Variants in HS1BP3 observed in about 807,000 individuals in gnomAD.
The protein encoded by HS1BP3 is HCLS1 binding protein 3.
HS1BP3 carries 32 observed loss-of-function variants against 33.5 expected under a neutral mutation model. The ratio of observed to expected loss-of-function variants is 0.95; its 90% CI spans 0.72 to 1.28. The LOEUF is 1.28. Ranked by LOEUF, HS1BP3 falls within the 50% of genes most tolerant of loss-of-function variation. The pLI is 0.00. For synonymous variants in HS1BP3, 187 were observed against 209.2 expected, an observed-to-expected ratio of 0.89 and a Z score of 0.92; for missense variants, 486 against 502.3, an observed-to-expected ratio of 0.97 and a Z score of 0.31.
chr2:20,588,594 T>A (rs1693737986), downstream of HS1BP3, among the ~76,000 whole-genome samples: 3 of 152,192 alleles, frequency 2.0e-5, no homozygotes, highest in African/African-American at 7.2e-5. Context: ...CCGATTTTTC[T>A]GGGGTTACAC....
chr2:20,554,270 G>A, the HS1BP3 span, among the ~76,000 whole-genome samples: 1 of 152,210 alleles, frequency 6.6e-6, no homozygotes, highest in Admixed American at 6.5e-5. Context: ...AGAAACACAA[G>A]AGATCCATGG....
At chr2:20,560,044 A>T (rs1391266431), downstream of HS1BP3, among the ~76,000 whole-genome samples, 1 of 152,166 alleles carries the variant, frequency 6.6e-6, no homozygotes, top group African/African-American at 2.4e-5. Flanking sequence ...GGAAGCCACC[A>T]TACCTGCTCT....
intron 3 of HS1BP3, 68 bp downstream of exon 3, chr2:20,640,905 G>C (rs747580515): frequency 1.3e-6 from 2 of 1,485,514 alleles, no homozygotes; most frequent in East Asian, 4.5e-5. Flanking sequence ...GCTCCCACTG[G>C]GGCACGGCAG....
At chr2:20,587,433 G>T (rs1049595052) in intron 5 of HS1BP3, among the ~76,000 whole-genome samples, 1 of 152,198 alleles carries the variant, frequency 6.6e-6, no homozygotes, top group African/African-American at 2.4e-5. Context: ...CCTGAGGATG[G>T]TAGGGATGCC....
chr2:20,557,735 G>C (rs760461848), downstream of HS1BP3, among the ~76,000 whole-genome samples: 1 of 152,204 alleles, frequency 6.6e-6, no homozygotes, highest in Admixed American at 6.5e-5. Context: ...TATTTGTGAT[G>C]GATGCAGAGC....
At position 20,566,167 on chromosome 2, in the gene HS1BP3, T is replaced by C. The variant is rs191639642; in HGVS notation, c.303-5652A>G. Among the ~76,000 whole-genome samples, 8 of 152,350 alleles carry C rather than the reference T, an allele frequency of 5.3e-5. No individual in the cohort carries two copies. In the East Asian group the frequency reaches 1.5e-3, roughly 29 times the overall value. ...CCCCATCCCGGCACTGACAGGGAGT[T>C]CACTCCTTGGGGAGCCCTTCCTTTG... On this transcript the variant is annotated intron_variant, in intron 5 of 5. Coordinates refer to the HS1BP3 transcript ENST00000446825.
At chr2:20,631,824 C>A (rs1424494825) in intron 4 of HS1BP3, among the ~76,000 whole-genome samples, 1 of 152,122 alleles carries the variant, frequency 6.6e-6, no homozygotes, top group Non-Finnish European at 1.5e-5. Context: ...TCTCTGCAGC[C>A]TACATTCTAC....
At chr2:20,617,453 TC>T (rs1558335982), downstream of HS1BP3, among the ~76,000 whole-genome samples, 1 of 152,112 alleles carries the variant, frequency 6.6e-6, no homozygotes, top group African/African-American at 2.4e-5. Context: ...ACCACCTGTT[TC>T]CTCTCACTCT....
At chr2:20,589,842 T>A (rs771224790), downstream of HS1BP3, among the ~76,000 whole-genome samples, 129 of 150,952 alleles carry the variant, frequency 8.5e-4, no homozygotes, top group Non-Finnish European at 1.1e-3. Context: ...GGGGCGGGAT[T>A]GTGGGGGAAT....
At chr2:20,577,197 G>A (rs549589068) in intron 5 of HS1BP3, among the ~76,000 whole-genome samples, 3 of 152,224 alleles carry the variant, frequency 2.0e-5, no homozygotes, top group African/African-American at 4.8e-5. Flanking sequence ...ATGACACACT[G>A]ATATTCATGT....
downstream of HS1BP3, among the ~76,000 whole-genome samples, chr2:20,614,296 T>G (rs1422982616): frequency 6.6e-6 from 1 of 152,196 alleles, no homozygotes; most frequent in African/African-American, 2.4e-5. Context: ...GATAATACAT[T>G]CCTGTGGTTT....
intron 2 of HS1BP3, among the ~76,000 whole-genome samples, chr2:20,642,606 G>T (rs1695391074): frequency 6.6e-6 from 1 of 152,192 alleles, no homozygotes; most frequent in African/African-American, 2.4e-5. Flanking sequence ...CTCAGGCTCA[G>T]ACCACAGACC....
At chr2:20,633,323 A>G (rs1367400635) in intron 4 of HS1BP3, among the ~76,000 whole-genome samples, 2 of 152,192 alleles carry the variant, frequency 1.3e-5, no homozygotes, top group African/African-American at 4.8e-5. Context: ...AGGGACAAAG[A>G]TCCAGTCCTC....
intron 3 of HS1BP3, among the ~76,000 whole-genome samples, chr2:20,597,044 A>G (rs1289225158): frequency 6.6e-6 from 1 of 152,176 alleles, no homozygotes; most frequent in Non-Finnish European, 1.5e-5. Context: ...ATCCCTCCTT[A>G]AAAGGGAGGC....
At chr2:20,622,932 C>G (rs574468554) in intron 6 of HS1BP3, 1 of 154,954 alleles carries the variant, frequency 6.5e-6, no homozygotes, top group African/African-American at 2.4e-5. Flanking sequence ...TGTCTAATAG[C>G]CCGAGGCTGC....
At chr2:20,639,925 C>T (rs966385090) in intron 3 of HS1BP3, 2 of 152,280 alleles carry the variant, frequency 1.3e-5, no homozygotes, top group African/African-American at 4.8e-5. Context: ...AGAAGAGAAC[C>T]CAGACCCATG....
rs1694327968 is a variant in HS1BP3 at position 20,611,996 on chromosome 2, T to A, written c.178+11900A>T. 6.6e-6 allele frequency among the ~76,000 whole-genome samples: 1 copy of A among 152,218 alleles called. No homozygotes were observed. Among genetic ancestry groups the A allele is most frequent in the Non-Finnish European group, 1.5e-5 (1 of 68,038 alleles). On this transcript the variant is annotated intron_variant, in intron 2 of 3. Coordinates refer to the HS1BP3 transcript ENST00000415264. The surrounding 1 kb of genome is among the most constrained non-coding windows in gnomAD (Gnocchi z 4.9). ...AACTCTAGGATTCCTCATAGCCCAATAGACAGCAGCTTAACAGAATTTCAA... is the reference window on the plus strand; with the variant it reads ...AACTCTAGGATTCCTCATAGCCCAAAAGACAGCAGCTTAACAGAATTTCAA...
At position 20,618,161 on chromosome 2, in the gene HS1BP3, A is replaced by G. The variant is rs1278252582; in HGVS notation, c.*826T>C. On this transcript the variant is annotated 3_prime_UTR_variant, in exon 7 of 7. Coordinates refer to ENST00000304031, the MANE Select transcript of HS1BP3 (RefSeq NM_022460.4). ...TTTGCTGAGAGCTGCAATGACGAACATTGGCTCTGTGCCCAGAGGCCCAAG... is the reference window on the plus strand; with the variant it reads ...TTTGCTGAGAGCTGCAATGACGAACGTTGGCTCTGTGCCCAGAGGCCCAAG... 4 of 152,228 alleles carry G rather than the reference A, an allele frequency of 2.6e-5. No homozygotes were observed. The highest frequency in any genetic ancestry group is 7.2e-5 in the African/African-American group (3 of 41,440). 9.4% of individuals were successfully genotyped at this position (152,228 alleles called of 1,614,324 possible). A position where few individuals can be genotyped will look rare whatever the true frequency, so the allele number is the denominator to read the frequency against.
intron 1 of HS1BP3, among the ~76,000 whole-genome samples, chr2:20,647,065 AG>A (rs113082187): frequency 6.6e-6 from 1 of 152,042 alleles, no homozygotes; most frequent in Admixed American, 6.5e-5. Context: ...AACGAGGCAC[AG>A]GGGGGTGAAA....
Sources: allele counts gnomAD v4.1 joint callset (sites outside exome capture counted in the v4.1 genomes callset), GRCh38; gene constraint gnomAD v4.1.1; non-coding constraint Gnocchi (gnomAD v3.1); transcripts MANE v1.5; gene names NCBI Gene and HGNC (gene_info 2026-07-23, HGNC 2026-07-21).